The following PALLD variants were observed in gnomAD, a reference collection of about 807,000 sequenced individuals.
PALLD encodes palladin.
A neutral mutation model predicts 123.5 loss-of-function variants in PALLD; 61 were observed. That is an observed-to-expected ratio of 0.49 (90% CI 0.40 to 0.61). PALLD has a LOEUF of 0.61. Among genes scored for constraint, PALLD ranks in the 20% least tolerant of loss-of-function variants. PALLD has a pLI of 0.00. For missense variants in PALLD, 1,273 were observed against 1,377.0 expected (o/e 0.92, Z 1.20); for synonymous variants, 465 against 496.4 (o/e 0.94, Z 0.84).
intron 2 of PALLD, among the ~76,000 whole-genome samples, chr4:168,613,395 T>C (rs763300831): frequency 6.6e-6 from 1 of 152,230 alleles, no homozygotes; most frequent in Non-Finnish European, 1.5e-5. Context: ...TGCACCGTAA[T>C]TCTTTTCAGA....
chr4:168,526,427 T>C (rs924476516), intron 2 of PALLD, among the ~76,000 whole-genome samples: 10 of 152,176 alleles, frequency 6.6e-5, no homozygotes, highest in Non-Finnish European at 1.3e-4. Flanking sequence ...ATCCGTGGTA[T>C]TGAAGCAAAT....
intron 2 of PALLD, among the ~76,000 whole-genome samples, chr4:168,613,582 G>A (rs1310199674): frequency 6.6e-6 from 1 of 152,226 alleles, no homozygotes; most frequent in African/African-American, 2.4e-5. Flanking sequence ...GGGCTTGGTT[G>A]TGAAACATAC....
At chr4:168,770,102 A>C (rs1197735152) in intron 10 of PALLD, among the ~76,000 whole-genome samples, 1 of 152,180 alleles carries the variant, frequency 6.6e-6, no homozygotes, top group Non-Finnish European at 1.5e-5. Flanking sequence ...GTTGGGGGAG[A>C]GGGCAACATT....
chr4:168,845,372 A>C (rs1323299381), intron 10 of PALLD, among the ~76,000 whole-genome samples: 3 of 152,164 alleles, frequency 2.0e-5, no homozygotes, highest in Non-Finnish European at 4.4e-5. Context: ...GGCCCTCTGG[A>C]TCCCTGGGTT....
chr4:168,914,988 C>T (rs984490431), intron 16 of PALLD, among the ~76,000 whole-genome samples: 2 of 152,190 alleles, frequency 1.3e-5, no homozygotes, highest in Non-Finnish European at 2.9e-5. Context: ...ATAGCATATA[C>T]AGGATTAGGT....
chr4:168,759,075 A>AG (rs1732312021), intron 10 of PALLD, among the ~76,000 whole-genome samples: 1 of 148,020 alleles, frequency 6.8e-6, no homozygotes, highest in African/African-American at 2.5e-5. Context: ...GCTACTCAGG[A>AG]GGCTGAGGCA....
chr4:168,680,964 A>C (rs1286147903), intron 3 of PALLD, among the ~76,000 whole-genome samples: 1 of 152,196 alleles, frequency 6.6e-6, no homozygotes, highest in African/African-American at 2.4e-5. Context: ...CAATCTCTGG[A>C]GAAGGTTACA....
rs184502680 is a variant in PALLD, at chr4:168,750,984, A to G, written c.1964+39061A>G. On this transcript the variant is annotated intron_variant, in intron 10 of 21. Coordinates refer to ENST00000505667, the MANE Select transcript of PALLD (RefSeq NM_001166108.2). ...ATTCATGAGATCACATATTTTATAT[A>G]TGTGTGTGTGTGTGTGTGTGTCTGC... is the stretch of plus-strand genomic sequence containing the variant. Among the ~76,000 whole-genome samples the G allele has an allele frequency of 3.3e-3, 484 of 148,514 alleles. 4 individuals are homozygous for G. The highest frequency in any genetic ancestry group is 0.011 in the African/African-American group (444 of 40,384).
chr4:168,677,614 T>C (rs1243250939), intron 3 of PALLD, among the ~76,000 whole-genome samples: 1 of 152,020 alleles, frequency 6.6e-6, no homozygotes, highest in Non-Finnish European at 1.5e-5. Flanking sequence ...TTCCATATGG[T>C]TTTTGCCACC....
At chr4:168,825,765 A>G (rs1229732424) in intron 10 of PALLD, among the ~76,000 whole-genome samples, 1 of 152,192 alleles carries the variant, frequency 6.6e-6, no homozygotes, top group African/African-American at 2.4e-5. Flanking sequence ...CAATGGAATC[A>G]TGGCTGATCT....
chr4:168,619,060 G>A lies in PALLD; in HGVS notation c.909-49130G>A, dbSNP rs563198373. ...GGCCTGCTGGCTCCATCTTTTCTGA[G>A]TGTCCACACTGGGCCAGGTCTGTAT... On this transcript the variant is annotated intron_variant, in intron 2 of 21. Transcript: ENST00000505667. Among the ~76,000 whole-genome samples, 24 of 152,312 alleles carry A rather than the reference G, an allele frequency of 1.6e-4. 1 individual carries two copies. In the South Asian group the frequency reaches 4.8e-3, roughly 30 times the overall value.
At chr4:168,836,616 C>T (rs904288581) in intron 10 of PALLD, among the ~76,000 whole-genome samples, 17 of 152,114 alleles carry the variant, frequency 1.1e-4, no homozygotes, top group African/African-American at 3.4e-4. Flanking sequence ...CATTAGAGAA[C>T]GGGGATCAGG....
intron 2 of PALLD, among the ~76,000 whole-genome samples, chr4:168,608,243 T>C (rs1295306402): frequency 6.6e-6 from 1 of 152,200 alleles, no homozygotes; most frequent in African/African-American, 2.4e-5. Context: ...ACTCCATGCT[T>C]TATAACTAAA....
intron 9 of PALLD, 119 bp from the exon 10 acceptor site, chr4:168,711,462 C>T: frequency 2.6e-6 from 2 of 781,970 alleles, no homozygotes; most frequent in Non-Finnish European, 4.5e-6. Flanking sequence ...GCAGCACAAT[C>T]ACCTCTTCTT....
rs863224702 is a variant in PALLD at position 168,903,797 on chromosome 4, G to A, written c.2513G>A (p.Ser838Asn). 2 of 1,612,632 alleles carry A rather than the reference G, an allele frequency of 1.2e-6. No homozygotes were observed. Among genetic ancestry groups the A allele is most frequent in the Non-Finnish European group, 1.7e-6 (2 of 1,178,698 alleles). The change falls in exon 15 of 22, where the codon AGT (serine) becomes AAT (asparagine). Residue 838 changes from serine (S) to asparagine (N), a missense_variant. Ser to Asn is a conservative substitution (Grantham distance 46). Transcript: ENST00000505667. ...FKDGKQISPKSDHYTIQRDLD... is the reference protein window; with the variant it reads ...FKDGKQISPKNDHYTIQRDLD... ...GATGGGAAGCAGATCTCTCCAAAGAGTGATCACTACACCATTCAAAGAGAT... is the reference window on the plus strand; with the variant it reads ...GATGGGAAGCAGATCTCTCCAAAGAATGATCACTACACCATTCAAAGAGAT...
chr4:168,728,807 T>C (rs574514365), intron 10 of PALLD, among the ~76,000 whole-genome samples: 12 of 152,224 alleles, frequency 7.9e-5, no homozygotes, highest in Admixed American at 5.2e-4. Flanking sequence ...ACCCATCACC[T>C]GAGCAGTATA....
Position 168,711,730 on chromosome 4 carries a change from G to C in PALLD, c.1771G>C (p.Glu591Gln), listed in dbSNP as rs772476893. Residue 591 changes from glutamate (E) to glutamine (Q), a missense_variant, in exon 10 of 22, where the codon GAG becomes CAG. Around this residue, in one of 2 missense-constraint regions of PALLD, gnomAD observed 944 missense variants for 954.5 expected, o/e 0.99. Coordinates refer to ENST00000505667, the MANE Select transcript of PALLD (RefSeq NM_001166108.2). ...PSEIQQVNNP[E>Q]LGLSRAALQM... Reference sequence around the variant, plus strand: ...TGAGATCCAGCAGGTGAACAACCCTGAGTTAGGCCTGAGCAGGGCAGCCCT... The same window carrying C: ...TGAGATCCAGCAGGTGAACAACCCTCAGTTAGGCCTGAGCAGGGCAGCCCT... 6.2e-7 allele frequency: 1 copy of C among 1,614,084 alleles called. No individual in the cohort carries two copies. The highest frequency in any genetic ancestry group is 1.3e-5 in the African/African-American group (1 of 74,934).
At chr4:168,687,905 GAAGCTCAGAGCCACTGA>G (rs926780875) in intron 6 of PALLD, among the ~76,000 whole-genome samples, 4 of 152,080 alleles carry the variant, frequency 2.6e-5, no homozygotes, top group Non-Finnish European at 4.4e-5. Context: ...CAATTCACTG[GAAGCTCAGAGCCACTGA>G]AAGCTCAGAG....
rs1197503096 is a variant in PALLD, at chr4:168,500,141, T to G, written c.-83+2947T>G. ...ATAACATCTACTACATGGATTGTTC[T>G]GAGGATCAAACTGTTCACTTTTGAA... On this transcript the variant is annotated intron_variant, in intron 1 of 21. Transcript: ENST00000505667. 2.0e-5 allele frequency among the ~76,000 whole-genome samples: 3 copies of G among 152,356 alleles called. No homozygotes were observed. In the East Asian group the frequency reaches 5.8e-4, roughly 29 times the overall value.
Sources: gnomAD v4.1 joint callset for allele counts (sites outside exome capture counted in the v4.1 genomes callset) on GRCh38, gnomAD v4.1.1 for gene constraint, gnomAD v4.1.1 regional missense constraint, MANE v1.5 for transcripts, NCBI Gene and HGNC (gene_info 2026-07-23, HGNC 2026-07-21) for gene names.